The following RBMS1 variants were observed in gnomAD, a reference collection of about 807,000 sequenced individuals.
RBMS1 encodes the protein RNA-binding motif, single-stranded-interacting protein 1.
RBMS1 carries 17 observed loss-of-function variants against 62.3 expected under a neutral mutation model. That is an observed-to-expected ratio of 0.27 (90% CI 0.19 to 0.41). RBMS1 has a LOEUF of 0.41. Ranked by LOEUF, RBMS1 falls within the 10% of genes least tolerant of loss-of-function variation. The pLI is 1.00. For synonymous variants in RBMS1, 172 were observed against 170.0 expected (o/e 1.01, Z -0.09); for missense variants, 334 against 504.5 (o/e 0.66, Z 3.24).
intron 2 of RBMS1, among the ~76,000 whole-genome samples, chr2:160,366,251 T>A (rs1693392131): frequency 6.6e-6 from 1 of 152,116 alleles, no homozygotes; most frequent in Non-Finnish European, 1.5e-5. Flanking sequence ...AGTTTTGAAT[T>A]TTTTTTTCTT....
intron 1 of RBMS1, among the ~76,000 whole-genome samples, chr2:160,384,960 G>A (rs114369181): frequency 0.016 from 2,367 of 152,200 alleles, 81 homozygotes; most frequent in African/African-American, 0.052. Context: ...TCTGAGATCC[G>A]GTTGTTTAAA....
intron 1 of RBMS1, among the ~76,000 whole-genome samples, chr2:160,415,488 T>TAA (rs1559525756): frequency 6.7e-6 from 1 of 150,210 alleles, no homozygotes; most frequent in African/African-American, 2.5e-5. Flanking sequence ...CTTAGGAAAT[T>TAA]TAAAAAAAAA....
intron 2 of RBMS1, among the ~76,000 whole-genome samples, chr2:160,323,413 T>C (rs1024544914): frequency 1.3e-5 from 2 of 151,604 alleles, no homozygotes; most frequent in African/African-American, 2.4e-5. Context: ...GAGGCAGAGG[T>C]TGCAATGAGC....
intron 1 of RBMS1, among the ~76,000 whole-genome samples, chr2:160,426,675 G>A (rs1485109356): frequency 6.6e-6 from 1 of 152,112 alleles, no homozygotes; most frequent in Non-Finnish European, 1.5e-5. Flanking sequence ...TACTTTGTTT[G>A]CTATTAGAAG....
At chr2:160,375,266 G>A (rs570666708) in intron 1 of RBMS1, among the ~76,000 whole-genome samples, 7 of 152,272 alleles carry the variant, frequency 4.6e-5, no homozygotes, top group South Asian at 2.1e-4. Flanking sequence ...CTGTGACATC[G>A]TGCAACTTAA....
intron 1 of RBMS1, among the ~76,000 whole-genome samples, chr2:160,403,217 T>C (rs950313301): frequency 1.3e-5 from 2 of 152,158 alleles, no homozygotes; most frequent in Non-Finnish European, 2.9e-5. Context: ...TAACATAACA[T>C]AAAAATGGGC....
At chr2:160,307,243 G>A (rs1689582827) in intron 4 of RBMS1, among the ~76,000 whole-genome samples, 1 of 151,450 alleles carries the variant, frequency 6.6e-6, no homozygotes, top group Admixed American at 6.6e-5. Context: ...TACAGAATAG[G>A]TTCAACAACC....
intron 1 of RBMS1, among the ~76,000 whole-genome samples, chr2:160,374,012 T>A (rs560508723): frequency 1.2e-4 from 19 of 152,154 alleles, no homozygotes; most frequent in African/African-American, 4.3e-4. Context: ...GTGGCTCATA[T>A]CTGTAATCCC....
chr2:160,484,531 C>T (rs1391121298), intron 1 of RBMS1, among the ~76,000 whole-genome samples: 2 of 151,130 alleles, frequency 1.3e-5, no homozygotes. Flanking sequence ...TGTACGCCAT[C>T]ATCGGATTCT....
At chr2:160,427,392 A>C (rs1188284384) in intron 1 of RBMS1, among the ~76,000 whole-genome samples, 1 of 152,174 alleles carries the variant, frequency 6.6e-6, no homozygotes, top group Non-Finnish European at 1.5e-5. Flanking sequence ...ACTGCAATAA[A>C]TAAATGAGTG....
intron 2 of RBMS1, among the ~76,000 whole-genome samples, chr2:160,348,877 T>C (rs912694925): frequency 2.6e-5 from 4 of 152,176 alleles, no homozygotes; most frequent in Non-Finnish European, 1.5e-5. Flanking sequence ...TAGTATAACT[T>C]ATTTCTTGAC....
intron 1 of RBMS1, among the ~76,000 whole-genome samples, chr2:160,428,263 GC>G (rs1682732376): frequency 6.6e-6 from 1 of 152,042 alleles, no homozygotes; most frequent in South Asian, 2.1e-4. Flanking sequence ...ACGTGGGGTG[GC>G]CTCAGCAGAG....
chr2:160,446,391 G>C (rs1390346693), intron 1 of RBMS1, among the ~76,000 whole-genome samples: 1 of 151,892 alleles, frequency 6.6e-6, no homozygotes, highest in Non-Finnish European at 1.5e-5. Flanking sequence ...GCCCATATCT[G>C]TCTCCCTACA....
At chr2:160,400,692 T>G (rs1201862159) in intron 1 of RBMS1, among the ~76,000 whole-genome samples, 1 of 152,134 alleles carries the variant, frequency 6.6e-6, no homozygotes, top group South Asian at 2.1e-4. Flanking sequence ...ATTTGTGCCT[T>G]AAAAATGTTT....
intron 1 of RBMS1, among the ~76,000 whole-genome samples, chr2:160,407,245 C>A (rs951868002): frequency 6.6e-5 from 10 of 152,296 alleles, no homozygotes; most frequent in Non-Finnish European, 8.8e-5. Flanking sequence ...CCTGCCCCTG[C>A]CCCTTCCTCC....
In RBMS1 at chr2:160,272,776, C is replaced by T. The variant is rs1687645966; in HGVS notation, c.*1996G>A. 6.6e-6 allele frequency: 1 copy of T among 152,224 alleles called. No individual in the cohort carries two copies. The highest frequency in any genetic ancestry group is 6.5e-5 in the Admixed American group (1 of 15,286). 9.4% of individuals were successfully genotyped at this position (152,224 alleles called of 1,614,324 possible). On this transcript the variant is annotated 3_prime_UTR_variant, in exon 14 of 14. Transcript: ENST00000348849. The stretch of plus-strand genomic sequence containing the variant: ...TGAAACAAAAACAAAAACAAAAACA[C>T]ATTTCTCTTATGACTATGTAATTTT...
At position 160,493,650 on chromosome 2, in the gene RBMS1, A is replaced by T; in HGVS notation, c.-287T>A. The T allele has an allele frequency of 2.1e-6, 1 of 483,258 alleles. No individual in the cohort carries two copies. The highest frequency in any genetic ancestry group is 3.7e-6 in the Non-Finnish European group (1 of 266,834). The allele number at this position is 483,258 out of a possible 1,614,324, so 29.9% of individuals were successfully genotyped here. A position where few individuals can be genotyped will look rare whatever the true frequency, so the allele number is the denominator to read the frequency against. The stretch of plus-strand genomic sequence containing the variant: ...AGGGCACCCCGGACAGGGCGCTCCC[A>T]AGGAGTTTCCTCCCGGAGCCCGACT... On this transcript the variant is annotated 5_prime_UTR_variant, in exon 1 of 14. Transcript: ENST00000348849.
At chr2:160,386,360 A>C (rs1464472430) in intron 1 of RBMS1, among the ~76,000 whole-genome samples, 1 of 152,182 alleles carries the variant, frequency 6.6e-6, no homozygotes, top group Non-Finnish European at 1.5e-5. Flanking sequence ...ACACAGTGAA[A>C]CACCGTCTTT....
intron 1 of RBMS1, among the ~76,000 whole-genome samples, chr2:160,453,424 C>T (rs1422619860): frequency 1.3e-5 from 2 of 152,218 alleles, no homozygotes; most frequent in Non-Finnish European, 2.9e-5. Context: ...ATATTATGAT[C>T]GTTCTTTTCT....
Sources: allele counts gnomAD v4.1 joint callset (sites outside exome capture counted in the v4.1 genomes callset), GRCh38; gene constraint gnomAD v4.1.1; transcripts MANE v1.5; gene names NCBI Gene and HGNC (gene_info 2026-07-23, HGNC 2026-07-21).